The following FBXL17 variants were observed in gnomAD, a reference collection of about 807,000 sequenced individuals.
FBXL17 encodes F-box and leucine rich repeat protein 17.
FBXL17 carries 22 observed loss-of-function variants against 66.2 expected under a neutral mutation model. The ratio of observed to expected loss-of-function variants is 0.33; its 90% CI spans 0.24 to 0.47. FBXL17 has a LOEUF of 0.47. Among genes scored for constraint, FBXL17 ranks in the 20% least tolerant of loss-of-function variants. The probability of loss-of-function intolerance (pLI) is 1.00; values close to 1 mark genes in which losing one functional copy is unlikely to be tolerated. For missense variants in FBXL17, 878 were observed against 948.2 expected (o/e 0.93, Z 0.97); for synonymous variants, 474 against 400.5 (o/e 1.18, Z -2.19).
intron 7 of FBXL17, among the ~76,000 whole-genome samples, chr5:107,986,917 ATGGT>A (rs1328901595): frequency 6.6e-6 from 1 of 152,046 alleles, no homozygotes; most frequent in East Asian, 1.9e-4. Flanking sequence ...CTATGTTTAT[ATGGT>A]TGATCACTTT....
At chr5:107,880,296 C>T (rs1047751262) in intron 8 of FBXL17, 2 of 878,394 alleles carry the variant, frequency 2.3e-6, no homozygotes, top group Non-Finnish European at 2.7e-6. Flanking sequence ...CCAGGCTGGT[C>T]TCAAATTCCT....
At chr5:108,133,486 GTCAT>G (rs1751015114) in intron 6 of FBXL17, among the ~76,000 whole-genome samples, 1 of 152,042 alleles carries the variant, frequency 6.6e-6, no homozygotes, top group South Asian at 2.1e-4. Context: ...ACTCCATTCA[GTCAT>G]TCAATCAGAG....
chr5:108,232,273 G>C (rs1755378546), intron 4 of FBXL17, among the ~76,000 whole-genome samples: 1 of 152,122 alleles, frequency 6.6e-6, no homozygotes, highest in African/African-American at 2.4e-5. Context: ...GTTGGGGATT[G>C]GTGTGTTTCC....
intron 6 of FBXL17, among the ~76,000 whole-genome samples, chr5:108,080,472 T>C (rs1748719118): frequency 6.6e-6 from 1 of 152,228 alleles, no homozygotes; most frequent in Admixed American, 6.5e-5. Flanking sequence ...ATTCATGTTA[T>C]TGATGAAAAA....
chr5:108,099,075 G>A (rs1344323764), intron 6 of FBXL17, among the ~76,000 whole-genome samples: 1 of 152,030 alleles, frequency 6.6e-6, no homozygotes, highest in African/African-American at 2.4e-5. Flanking sequence ...TATTCCCATT[G>A]CCTAGAATAC....
chr5:108,367,528 A>G (rs1033381253), intron 2 of FBXL17, among the ~76,000 whole-genome samples: 1 of 152,066 alleles, frequency 6.6e-6, no homozygotes, highest in Non-Finnish European at 1.5e-5. Context: ...CTATTAAACT[A>G]TTTGTAGTAT....
chr5:108,270,203 G>A (rs779251168), intron 4 of FBXL17, among the ~76,000 whole-genome samples: 18 of 151,902 alleles, frequency 1.2e-4, no homozygotes, highest in South Asian at 4.1e-4. Flanking sequence ...TAAGAAAACC[G>A]TAGAAACTCT....
At chr5:108,031,038 A>G (rs1746606510) in intron 6 of FBXL17, among the ~76,000 whole-genome samples, 1 of 152,130 alleles carries the variant, frequency 6.6e-6, no homozygotes, top group South Asian at 2.1e-4. Flanking sequence ...GGGCTCTGGG[A>G]AAAGTAAGAG....
chr5:107,876,752 GC>G (rs1748625319), intron 8 of FBXL17, among the ~76,000 whole-genome samples: 1 of 152,046 alleles, frequency 6.6e-6, no homozygotes, highest in South Asian at 2.1e-4. Context: ...CATCCAAACT[GC>G]CTTATAAGAA....
intron 5 of FBXL17, among the ~76,000 whole-genome samples, chr5:108,211,865 TG>T (rs892084978): frequency 1.2e-4 from 18 of 152,204 alleles, no homozygotes; most frequent in African/African-American, 3.9e-4. Flanking sequence ...TGAATTTGCA[TG>T]TTGGTCTGTC....
chr5:107,964,592 G>T (rs564494063), intron 7 of FBXL17, among the ~76,000 whole-genome samples: 1 of 152,092 alleles, frequency 6.6e-6, no homozygotes, highest in East Asian at 1.9e-4. Context: ...ATTAAATTTT[G>T]TCCCATTATC....
rs1748099273 is a variant in FBXL17 at position 107,860,744 on chromosome 5, C to T, written c.*976G>A. 6.6e-6 allele frequency: 1 copy of T among 152,590 alleles called. No homozygotes were observed. The highest frequency in any genetic ancestry group is 2.4e-5 in the African/African-American group (1 of 41,448). The allele number at this position is 152,590 out of a possible 1,614,324, so 9.5% of individuals were successfully genotyped here. ...AGAAAGATTGTCTACTTATATCTCACTCATGAATCTTCTATTAATGTGACT... is the reference window on the plus strand; with the variant it reads ...AGAAAGATTGTCTACTTATATCTCATTCATGAATCTTCTATTAATGTGACT... On this transcript the variant is annotated 3_prime_UTR_variant, in exon 9 of 9. Coordinates refer to ENST00000542267, the MANE Select transcript of FBXL17 (RefSeq NM_001163315.3).
At chr5:108,294,389 C>A (rs1454741272) in intron 4 of FBXL17, among the ~76,000 whole-genome samples, 1 of 151,276 alleles carries the variant, frequency 6.6e-6, no homozygotes, top group South Asian at 2.1e-4. Context: ...GAAGTGTATA[C>A]TTTTTGTAAT....
At chr5:108,208,408 T>C (rs1361545668) in intron 5 of FBXL17, among the ~76,000 whole-genome samples, 2 of 152,322 alleles carry the variant, frequency 1.3e-5, no homozygotes, top group African/African-American at 2.4e-5. Context: ...CTGAATGGTA[T>C]TGCCCAGGTT....
chr5:108,128,437 C>T (rs1750803820), intron 6 of FBXL17, among the ~76,000 whole-genome samples: 1 of 151,978 alleles, frequency 6.6e-6, no homozygotes, highest in African/African-American at 2.4e-5. Context: ...ACTAGCCTAC[C>T]TCAGTTTCAG....
chr5:108,348,391 G>A lies in FBXL17; in HGVS notation c.1506+8C>T, dbSNP rs774637282. On this transcript the variant is annotated splice_region_variant and intron_variant, in intron 4 of 8. Transcript: ENST00000542267. Reference sequence around the variant, plus strand: ...ATGAACAATACAAGGATGATAACAAGTACTTACTAATTTGTTTTCCTGCAT... The same window carrying A: ...ATGAACAATACAAGGATGATAACAAATACTTACTAATTTGTTTTCCTGCAT... 13 of 1,610,000 alleles carry A rather than the reference G, an allele frequency of 8.1e-6. No individual in the cohort carries two copies. The South Asian group carries it at 1.3e-4, about 16-fold the overall frequency.
At chr5:108,105,592 T>C (rs991924170) in intron 6 of FBXL17, among the ~76,000 whole-genome samples, 1 of 152,182 alleles carries the variant, frequency 6.6e-6, no homozygotes, top group Non-Finnish European at 1.5e-5. Context: ...ATTTAAATAC[T>C]AGAAAAGAAA....
chr5:107,949,585 G>C (rs765277387), intron 7 of FBXL17, among the ~76,000 whole-genome samples: 8 of 152,180 alleles, frequency 5.3e-5, no homozygotes, highest in Non-Finnish European at 1.0e-4. Flanking sequence ...AAATACTTGG[G>C]AGAGGAGCAA....
At chr5:108,309,732 A>G (rs1759024936) in intron 4 of FBXL17, among the ~76,000 whole-genome samples, 1 of 152,100 alleles carries the variant, frequency 6.6e-6, no homozygotes, top group Non-Finnish European at 1.5e-5. Flanking sequence ...ACTCAGGTAC[A>G]AACAGTGACT....
Sources: allele counts gnomAD v4.1 joint callset (sites outside exome capture counted in the v4.1 genomes callset), GRCh38; gene constraint gnomAD v4.1.1; transcripts MANE v1.5; gene names NCBI Gene and HGNC (gene_info 2026-07-23, HGNC 2026-07-21).